Variants in RBMS3 observed in about 807,000 individuals in gnomAD.
The protein encoded by RBMS3 is RNA-binding motif, single-stranded-interacting protein 3.
Under a neutral mutation model 66.8 loss-of-function variants are expected in RBMS3, and 27 were observed. That is an observed-to-expected ratio of 0.40 (90% CI 0.30 to 0.56). The LOEUF (loss-of-function observed/expected upper bound fraction) is 0.56, where lower values mean the gene tolerates loss of function less well. RBMS3 is among the 20% of genes least tolerant of loss of function. The probability of loss-of-function intolerance (pLI) is 0.40; values close to 1 mark genes in which losing one functional copy is unlikely to be tolerated. For missense variants in RBMS3, 513 were observed against 549.5 expected, an observed-to-expected ratio of 0.93 and a Z score of 0.66; for synonymous variants, 188 against 183.0, an observed-to-expected ratio of 1.03 and a Z score of -0.22.
At chr3:29,598,519 A>G (rs762527116) in intron 4 of RBMS3, among the ~76,000 whole-genome samples, 4 of 152,086 alleles carry the variant, frequency 2.6e-5, no homozygotes, top group Admixed American at 2.0e-4. Flanking sequence ...ATTTTATACA[A>G]AAGTCCTGTT....
intron 10 of RBMS3, among the ~76,000 whole-genome samples, chr3:29,922,414 G>C (rs1396440484): frequency 1.3e-5 from 2 of 150,752 alleles, no homozygotes; most frequent in Admixed American, 6.6e-5. Context: ...GTGAACCCGG[G>C]AAGCGGAGCT....
chr3:29,593,715 G>T (rs747867098), intron 4 of RBMS3, among the ~76,000 whole-genome samples: 1 of 152,176 alleles, frequency 6.6e-6, no homozygotes, highest in Non-Finnish European at 1.5e-5. Context: ...ACTGAAGCAG[G>T]AATCTCTCAT....
At chr3:29,852,383 A>T (rs953416204) in intron 6 of RBMS3, among the ~76,000 whole-genome samples, 1 of 152,246 alleles carries the variant, frequency 6.6e-6, no homozygotes, top group South Asian at 2.1e-4. Flanking sequence ...GACAACCTAC[A>T]GAATAGGAGA....
At chr3:29,468,741 GT>G (rs1306782073) in intron 2 of RBMS3, among the ~76,000 whole-genome samples, 1 of 150,948 alleles carries the variant, frequency 6.6e-6, no homozygotes, top group Non-Finnish European at 1.5e-5. Context: ...TTTTACTGAT[GT>G]TTGCTTGACA....
At chr3:29,891,168 A>G (rs2053859) in intron 8 of RBMS3, among the ~76,000 whole-genome samples, 64,451 of 151,376 alleles carry the variant, frequency 0.43, 15,243 homozygotes, top group African/African-American at 0.64. Flanking sequence ...TAACCTTCAC[A>G]TTAATACAGA....
At chr3:29,414,304 A>G (rs940606483) in intron 1 of RBMS3, among the ~76,000 whole-genome samples, 15 of 152,210 alleles carry the variant, frequency 9.9e-5, no homozygotes, top group African/African-American at 3.1e-4. Context: ...CCCATGAGAT[A>G]GGACACAGTC....
intron 1 of RBMS3, among the ~76,000 whole-genome samples, chr3:29,379,708 C>T (rs556246666): frequency 6.6e-6 from 1 of 152,138 alleles, no homozygotes; most frequent in Non-Finnish European, 1.5e-5. Context: ...GGGGACACAG[C>T]GAAGCTATGT....
chr3:29,762,517 T>C (rs1416343665), intron 5 of RBMS3, among the ~76,000 whole-genome samples: 1 of 152,124 alleles, frequency 6.6e-6, no homozygotes, highest in Non-Finnish European at 1.5e-5. Flanking sequence ...GTTTATCTGT[T>C]TAAGCCTCAG....
rs545748337 is a variant in RBMS3 at position 29,834,467 on chromosome 3, G to A, written c.638-34391G>A. On this transcript the variant is annotated intron_variant, in intron 6 of 14. Transcript: ENST00000383767. Reference sequence around the variant, plus strand: ...AACTTAAAATGGGGTGGGCAGCAGTGTAAAATTTGTGTATGCAATTGTAAC... The same window carrying A: ...AACTTAAAATGGGGTGGGCAGCAGTATAAAATTTGTGTATGCAATTGTAAC... Among the ~76,000 whole-genome samples the A allele has an allele frequency of 5.8e-4, 88 of 152,092 alleles. 1 individual carries two copies. Among genetic ancestry groups the A allele is most frequent in the African/African-American group, 2.0e-3 (85 of 41,530 alleles).
intron 6 of RBMS3, among the ~76,000 whole-genome samples, chr3:29,851,250 G>A (rs2058927545): frequency 6.6e-6 from 1 of 152,118 alleles, no homozygotes; most frequent in Admixed American, 6.5e-5. Context: ...TTAGAATAAT[G>A]CCTGGAACAT....
At chr3:29,500,261 T>G (rs2043917493) in intron 3 of RBMS3, among the ~76,000 whole-genome samples, 1 of 151,504 alleles carries the variant, frequency 6.6e-6, no homozygotes, top group Non-Finnish European at 1.5e-5. Context: ...TAATACTATT[T>G]CTTTTTATAG....
chr3:29,838,978 C>A (rs971955472), intron 6 of RBMS3, among the ~76,000 whole-genome samples: 3 of 152,146 alleles, frequency 2.0e-5, no homozygotes, highest in African/African-American at 7.2e-5. Context: ...GCCAGGGGGA[C>A]AGCTTCTATT....
At chr3:29,569,787 A>G (rs1347582388) in intron 3 of RBMS3, among the ~76,000 whole-genome samples, 2 of 152,204 alleles carry the variant, frequency 1.3e-5, no homozygotes, top group Non-Finnish European at 2.9e-5. Flanking sequence ...AGCATTGCCT[A>G]TTTCCATTTC....
chr3:29,900,842 C>T (rs1311011363), intron 10 of RBMS3, among the ~76,000 whole-genome samples: 4 of 151,686 alleles, frequency 2.6e-5, no homozygotes. Context: ...ATTTTAACCC[C>T]TTTAGAAGAT....
intron 10 of RBMS3, among the ~76,000 whole-genome samples, chr3:29,908,527 G>T (rs532855822): frequency 6.6e-6 from 1 of 152,088 alleles, no homozygotes; most frequent in East Asian, 1.9e-4. Context: ...GTATGAGCAA[G>T]TTGTAAATCA....
chr3:29,763,374 C>T (rs1214538840), intron 6 of RBMS3, among the ~76,000 whole-genome samples: 3 of 152,036 alleles, frequency 2.0e-5, no homozygotes, highest in Non-Finnish European at 2.9e-5. Flanking sequence ...AGCCCTGAAA[C>T]ATTTCTTACC....
At chr3:29,736,858 G>C (rs548304486) in intron 4 of RBMS3, among the ~76,000 whole-genome samples, 10 of 152,308 alleles carry the variant, frequency 6.6e-5, no homozygotes, top group African/African-American at 2.4e-4. Context: ...TGAAGCGGGA[G>C]CACCAAAGCC....
intron 6 of RBMS3, among the ~76,000 whole-genome samples, chr3:29,842,742 C>T (rs1211198288): frequency 1.3e-5 from 2 of 151,972 alleles, no homozygotes; most frequent in Non-Finnish European, 2.9e-5. Context: ...TTGTTAGGAT[C>T]GTTATAAGAG....
chr3:29,497,088 C>T (rs751066956), intron 3 of RBMS3, among the ~76,000 whole-genome samples: 4 of 151,940 alleles, frequency 2.6e-5, no homozygotes, highest in Non-Finnish European at 2.9e-5. Flanking sequence ...CGGCTCACTG[C>T]AACCTCCGCC....
Sources: gnomAD v4.1 joint callset for allele counts (sites outside exome capture counted in the v4.1 genomes callset) on GRCh38, gnomAD v4.1.1 for gene constraint, MANE v1.5 for transcripts, NCBI Gene and HGNC (gene_info 2026-07-23, HGNC 2026-07-21) for gene names.